The following ARLN variants were observed in gnomAD, a reference collection of about 807,000 sequenced individuals.
ARLN encodes the protein sarcoplasmic/endoplasmic reticulum calcium ATPase regulator ARLN.
chr4:119,300,263 C>T, the ARLN span: 23 of 1,237,080 alleles, frequency 1.9e-5, no homozygotes, highest in South Asian at 3.1e-4. Context: ...GAATTCAGTC[C>T]CCTCCCCGCC....
At chr4:119,299,761 A>G in the ARLN span, among the ~76,000 whole-genome samples, 1 of 152,198 alleles carries the variant, frequency 6.6e-6, no homozygotes, top group Non-Finnish European at 1.5e-5. Context: ...GTAACGGTGG[A>G]TAAAGTTGGC....
the ARLN span, chr4:119,300,818 G>C: frequency 7.0e-7 from 1 of 1,437,532 alleles, no homozygotes; most frequent in Non-Finnish European, 9.1e-7. Context: ...CAGATAGCTG[G>C]TTATTCAGGT....
chr4:119,301,817 G>T, the ARLN span, among the ~76,000 whole-genome samples: 1 of 152,182 alleles, frequency 6.6e-6, no homozygotes, highest in South Asian at 2.1e-4. Flanking sequence ...TCCAAATCCA[G>T]CACTCTTAAA....
the ARLN span, among the ~76,000 whole-genome samples, chr4:119,300,048 G>A: frequency 6.6e-6 from 1 of 151,962 alleles, no homozygotes; most frequent in South Asian, 2.1e-4. Context: ...AACTTCTCCG[G>A]TCGCTTCATG....
At chr4:119,301,209 G>C in the ARLN span, among the ~76,000 whole-genome samples, 2 of 136,216 alleles carry the variant, frequency 1.5e-5, no homozygotes, top group East Asian at 4.3e-4. Context: ...TTCGAGACCA[G>C]CCTGGCCAAC....
chr4:119,304,019 A>C, the ARLN span, among the ~76,000 whole-genome samples: 313 of 152,336 alleles, frequency 2.1e-3, 1 homozygote, highest in Admixed American at 2.5e-3. Context: ...CCTGGTACCC[A>C]GGAAACATTC....
At chr4:119,304,317 T>A in the ARLN span, 19 of 1,537,264 alleles carry the variant, frequency 1.2e-5, no homozygotes, top group Non-Finnish European at 1.7e-5. Context: ...AGAGGGTTAT[T>A]TTCTCAAGAT....
the ARLN span, chr4:119,297,962 G>A: frequency 6.6e-6 from 1 of 152,464 alleles, no homozygotes; most frequent in Non-Finnish European, 1.5e-5. Context: ...ATAATGCCTG[G>A]CTCAAATATT....
the ARLN span, chr4:119,300,920 C>G: frequency 1.0e-6 from 1 of 970,588 alleles, no homozygotes; most frequent in Non-Finnish European, 1.5e-6. Context: ...GTCACCTCTC[C>G]TATCCCCGTA....
At chr4:119,300,209 G>C in the ARLN span, 1 of 751,794 alleles carries the variant, frequency 1.3e-6, no homozygotes, top group South Asian at 1.8e-5. Context: ...ACCCGACTGC[G>C]CCACTCACCA....
the ARLN span, chr4:119,300,740 T>A: frequency 2.7e-6 from 4 of 1,509,164 alleles, no homozygotes; most frequent in Non-Finnish European, 3.5e-6. Flanking sequence ...ACCGCTGGCA[T>A]GAAGCGCGGC....
At chr4:119,300,726 C>A in the ARLN span, 5 of 1,520,676 alleles carry the variant, frequency 3.3e-6, no homozygotes, top group South Asian at 3.6e-5. Context: ...CCGCTGCCTC[C>A]GTGACCGCTG....
At chr4:119,297,990 T>C in the ARLN span, 2 of 152,542 alleles carry the variant, frequency 1.3e-5, no homozygotes, top group African/African-American at 2.4e-5. Context: ...TGAGTAAATA[T>C]GCTGACTTTG....
the ARLN span, chr4:119,300,895 C>T: frequency 1.7e-6 from 2 of 1,199,940 alleles, no homozygotes; most frequent in African/African-American, 3.1e-5. Context: ...GGACTCCTCC[C>T]TGAAACTGCA....
the ARLN span, chr4:119,297,156 C>T: frequency 1.3e-5 from 2 of 152,234 alleles, no homozygotes; most frequent in African/African-American, 4.8e-5. Context: ...TGTGTTCCTA[C>T]AGATGTTTCA....
chr4:119,302,997 A>G, the ARLN span, among the ~76,000 whole-genome samples: 1 of 152,200 alleles, frequency 6.6e-6, no homozygotes, highest in Non-Finnish European at 1.5e-5. Flanking sequence ...TAGGAATTAA[A>G]TTAATTTTAT....
the ARLN span, among the ~76,000 whole-genome samples, chr4:119,299,059 GC>G: frequency 6.6e-6 from 1 of 152,002 alleles, no homozygotes; most frequent in Non-Finnish European, 1.5e-5. Flanking sequence ...TATCCCTTTT[GC>G]CATCCTCCCA....
chr4:119,302,706 G>T, the ARLN span, among the ~76,000 whole-genome samples: 2 of 152,134 alleles, frequency 1.3e-5, no homozygotes, highest in Admixed American at 1.3e-4. Flanking sequence ...TTGAATCATT[G>T]CACTGCAACC....
At chr4:119,303,337 G>A in the ARLN span, among the ~76,000 whole-genome samples, 1 of 150,236 alleles carries the variant, frequency 6.7e-6, no homozygotes, top group East Asian at 2.0e-4. Context: ...GGGGTCAAGC[G>A]ATTCTCCCTG....
Sources: allele counts gnomAD v4.1 joint callset (sites outside exome capture counted in the v4.1 genomes callset), GRCh38; gene constraint gnomAD v4.1.1; transcripts MANE v1.5; gene names NCBI Gene and HGNC (gene_info 2026-07-23, HGNC 2026-07-21).